Variants in SPACA1 observed in about 807,000 individuals in gnomAD.
The protein encoded by SPACA1 is sperm acrosome membrane-associated protein 1.
SPACA1 carries 17 observed loss-of-function variants against 32.6 expected under a neutral mutation model. The ratio of observed to expected loss-of-function variants is 0.52; its 90% confidence interval spans 0.36 to 0.78. SPACA1 has a LOEUF of 0.78. SPACA1 is among the 30% of genes least tolerant of loss of function. The pLI is 0.01. For missense variants in SPACA1, 363 were observed against 373.4 expected, an observed-to-expected ratio of 0.97 and a Z score of 0.23; for synonymous variants, 140 against 138.1, an observed-to-expected ratio of 1.01 and a Z score of -0.10.
At chr6:88,054,030 C>A (rs1775769519) in intron 2 of SPACA1, 28 bp downstream of exon 2, 1 of 1,608,046 alleles carries the variant, frequency 6.2e-7, no homozygotes, top group African/African-American at 1.3e-5. Context: ...GATGAATAAA[C>A]CATGTTGTAA....
rs544501658 is a variant in SPACA1 at position 88,049,201 on chromosome 6, A to G, written c.208+1088A>G. On this transcript the variant is annotated intron_variant, in intron 1 of 6. Coordinates refer to ENST00000237201, the MANE Select transcript of SPACA1 (RefSeq NM_030960.3). ...GAAAGAAGAGAACACGTCCTAAAGC[A>G]TAGTAGCTATTGCTTCATTCTCTTC... 5.9e-5 allele frequency among the ~76,000 whole-genome samples: 9 copies of G among 152,368 alleles called. No individual in the cohort carries two copies. In the East Asian group the frequency reaches 1.5e-3, roughly 26 times the overall value.
Position 88,056,689 on chromosome 6 carries a change from G to A in SPACA1, c.266-923G>A, listed in dbSNP as rs149934534. 6.8e-4 allele frequency among the ~76,000 whole-genome samples: 104 copies of A among 152,330 alleles called. 2 individuals carry two copies. In the East Asian group the frequency reaches 0.018, roughly 27 times the overall value. On this transcript the variant is annotated intron_variant, in intron 2 of 6. Transcript: ENST00000237201. ...CTTTGCCCTCTAAGATAACATCGTAGAGGGGCTGGAAGAGGAAATCTGGTA... is the reference window on the plus strand; with the variant it reads ...CTTTGCCCTCTAAGATAACATCGTAAAGGGGCTGGAAGAGGAAATCTGGTA...
rs529438772 is a variant in SPACA1 at position 88,066,502 on chromosome 6, T to C, written c.*167T>C. 6.3e-6 allele frequency: 3 copies of C among 477,030 alleles called. No individual in the cohort carries two copies. The highest frequency in any genetic ancestry group is 1.0e-5 in the Non-Finnish European group (3 of 295,820). 29.5% of individuals were successfully genotyped at this position (477,030 alleles called of 1,614,324 possible). On this transcript the variant is annotated 3_prime_UTR_variant, in exon 7 of 7. Transcript: ENST00000237201. ...CTATTTTATCAGTGCATTTTTCCAG[T>C]ACAGTTATCAAATATTACTTTTAAT...
At chr6:88,061,650 T>G (rs1053743137) in intron 5 of SPACA1, among the ~76,000 whole-genome samples, 1 of 152,150 alleles carries the variant, frequency 6.6e-6, no homozygotes, top group East Asian at 1.9e-4. Context: ...GAACCTTCAG[T>G]GAGAGCATGG....
intron 5 of SPACA1, among the ~76,000 whole-genome samples, chr6:88,061,333 G>A (rs1775893806): frequency 6.6e-6 from 1 of 152,080 alleles, no homozygotes; most frequent in Non-Finnish European, 1.5e-5. Context: ...TTTTACAGAT[G>A]TAATTAGTTA....
chr6:88,064,726 T>A (rs1262930488), intron 6 of SPACA1, among the ~76,000 whole-genome samples: 2 of 149,776 alleles, frequency 1.3e-5, no homozygotes, highest in African/African-American at 4.9e-5. Flanking sequence ...TATATATGTT[T>A]TATATATATG....
intron 1 of SPACA1, among the ~76,000 whole-genome samples, chr6:88,051,266 G>A (rs1391561133): frequency 6.6e-6 from 1 of 151,964 alleles, no homozygotes; most frequent in Non-Finnish European, 1.5e-5. Context: ...ATAAAAAGGG[G>A]CCAATAGACC....
At chr6:88,062,836 T>C (rs960146179) in intron 5 of SPACA1, among the ~76,000 whole-genome samples, 9 of 152,142 alleles carry the variant, frequency 5.9e-5, no homozygotes, top group African/African-American at 2.2e-4. Flanking sequence ...ACAATGAGCT[T>C]CAATTCCTTT....
chr6:88,048,452 C>A (rs573883927), intron 1 of SPACA1, among the ~76,000 whole-genome samples: 1 of 124,026 alleles, frequency 8.1e-6, no homozygotes, highest in Non-Finnish European at 1.7e-5. Flanking sequence ...CAGTCACTTT[C>A]CCTTCTCATA....
chr6:88,058,306 T>C (rs571429532), intron 3 of SPACA1, among the ~76,000 whole-genome samples: 89 of 152,350 alleles, frequency 5.8e-4, no homozygotes, highest in African/African-American at 2.0e-3. Context: ...CTCCTAATTA[T>C]GTTTGATAAC....
Position 88,066,285 on chromosome 6 carries a change from C to T in SPACA1, c.835C>T (p.Pro279Ser). 1 of 1,611,952 alleles carries T rather than the reference C, an allele frequency of 6.2e-7. No individual in the cohort carries two copies. Among genetic ancestry groups the T allele is most frequent in the South Asian group, 1.1e-5 (1 of 90,798 alleles). Residue 279 changes from proline to serine, a missense_variant, in exon 7 of 7, where the codon CCA becomes TCA. Coordinates refer to ENST00000237201, the MANE Select transcript of SPACA1 (RefSeq NM_030960.3). ...YKDSTSLDQLPTEMPGEDDAL... is the reference protein window; with the variant it reads ...YKDSTSLDQLSTEMPGEDDAL... ...AGATTCAACTTCTCTTGACCAATTA[C>T]CAACAGAAATGCCTGGTGAAGATGA... is the stretch of plus-strand genomic sequence containing the variant.
chr6:88,056,227 G>C (rs968438403), intron 2 of SPACA1, among the ~76,000 whole-genome samples: 1 of 151,616 alleles, frequency 6.6e-6, no homozygotes, highest in Non-Finnish European at 1.5e-5. Context: ...AGTGGCACGC[G>C]CCTGTAATCC....
At chr6:88,058,019 A>G (rs1413812985) in intron 3 of SPACA1, among the ~76,000 whole-genome samples, 2 of 152,316 alleles carry the variant, frequency 1.3e-5, no homozygotes, top group Non-Finnish European at 1.5e-5. Context: ...TGCTTTGGTC[A>G]TGTCATTTTG....
intron 1 of SPACA1, among the ~76,000 whole-genome samples, chr6:88,051,728 G>A (rs1233013920): frequency 2.0e-5 from 3 of 152,158 alleles, no homozygotes; most frequent in African/African-American, 7.2e-5. Context: ...TGTATGTGAA[G>A]GACTTTTTAT....
rs772750137 is a variant in SPACA1, at chr6:88,047,894, G to A, written c.-12G>A. 4 of 1,532,386 alleles carry A rather than the reference G, an allele frequency of 2.6e-6. No individual in the cohort carries two copies. The East Asian group carries it at 7.3e-5, about 28-fold the overall frequency. 94.9% of individuals were successfully genotyped at this position (1,532,386 alleles called of 1,614,324 possible). ...GCGACTGCGCCTCGGACGGCCGTCG[G>A]GGCCGAGAACCATGAGCCCCAGGGG... On this transcript the variant is annotated 5_prime_UTR_variant, in exon 1 of 7. Coordinates refer to ENST00000237201, the MANE Select transcript of SPACA1 (RefSeq NM_030960.3).
Position 88,054,046 on chromosome 6 carries a change from G to C in SPACA1, c.265+44G>C, listed in dbSNP as rs376328392. 5.3e-5 allele frequency: 84 copies of C among 1,581,102 alleles called. No homozygotes were observed. The African/African-American group carries it at 8.2e-4, about 15-fold the overall frequency. ...ATGAATAAACCATGTTGTAATTTGC[G>C]GGGGAGGAAAGGTAAAAGCAGATAG... On this transcript the variant is annotated intron_variant, in intron 2 of 6. Transcript: ENST00000237201.
intron 5 of SPACA1, among the ~76,000 whole-genome samples, chr6:88,060,467 T>C (rs970349932): frequency 7.9e-5 from 12 of 152,228 alleles, no homozygotes; most frequent in Admixed American, 2.6e-4. Context: ...AAAGAGCTTC[T>C]GCTGTAGTTT....
rs773054637 is a variant in SPACA1, at chr6:88,058,701, T to C, written c.368-15T>C. ...ATAATGCCCAATGGTATTTATGTGCTTAATTTTTTTTCAGGGGGTAAACCA... is the reference window on the plus strand; with the variant it reads ...ATAATGCCCAATGGTATTTATGTGCCTAATTTTTTTTCAGGGGGTAAACCA... On this transcript the variant is annotated splice_polypyrimidine_tract_variant and intron_variant, in intron 3 of 6. Coordinates refer to ENST00000237201, the MANE Select transcript of SPACA1 (RefSeq NM_030960.3). 2.5e-6 allele frequency: 4 copies of C among 1,584,726 alleles called. No homozygotes were observed. The South Asian group carries it at 4.5e-5, about 18-fold the overall frequency.
intron 1 of SPACA1, among the ~76,000 whole-genome samples, chr6:88,050,854 G>A (rs953436482): frequency 6.6e-6 from 1 of 152,308 alleles, no homozygotes; most frequent in African/African-American, 2.4e-5. Context: ...AAATCATTAA[G>A]ATATTAGATT....
Sources: gnomAD v4.1 joint callset for allele counts (sites outside exome capture counted in the v4.1 genomes callset) on GRCh38, gnomAD v4.1.1 for gene constraint, MANE v1.5 for transcripts, NCBI Gene and HGNC (gene_info 2026-07-23, HGNC 2026-07-21) for gene names.